The following PPEF1 variants were observed in gnomAD, a reference collection of about 807,000 sequenced individuals.
PPEF1 encodes protein phosphatase with EF-hand domain 1, also known as serine/threonine-protein phosphatase with EF-hands 1.
Under a neutral mutation model 53.3 loss-of-function variants are expected in PPEF1, and 12 were observed. The observed-to-expected ratio is 0.23, with a 90% CI of 0.14 to 0.36. The LOEUF is 0.36. Among genes scored for constraint, PPEF1 ranks in the 10% least tolerant of loss-of-function variants. The pLI is 1.00. For missense variants in PPEF1, 334 were observed against 490.4 expected (o/e 0.68, Z 3.01); for synonymous variants, 165 against 176.7 (o/e 0.93, Z 0.52).
chrX:18,825,622 C>T (rs2047151641), intron 14 of PPEF1, 129 bp from the exon 15 acceptor site: 1 of 404,230 alleles, frequency 2.5e-6, no homozygotes, highest in Admixed American at 5.7e-5. Context: ...GGAAGTCTGG[C>T]CTTCTCAGAT....
At chrX:18,709,502 G>GTTTT (rs752416903) in intron 1 of PPEF1, among the ~76,000 whole-genome samples, 1 of 101,090 alleles carries the variant, frequency 9.9e-6, no homozygotes, top group Non-Finnish European at 2.0e-5. Flanking sequence ...TTTGTTTTTT[G>GTTTT]TTTTTTGTTT....
chrX:18,780,773 G>A (rs2046066506), intron 7 of PPEF1, among the ~76,000 whole-genome samples: 1 of 110,510 alleles, frequency 9.0e-6, no homozygotes, highest in Non-Finnish European at 1.9e-5. Flanking sequence ...GGAGGGAATC[G>A]GCCGGGCATG....
At chrX:18,782,479 G>A (rs907577297) in intron 8 of PPEF1, 77 bp downstream of exon 8, 1 of 813,976 alleles carries the variant, frequency 1.2e-6, no homozygotes, top group African/African-American at 2.2e-5. Context: ...AGCCAAGAAA[G>A]ACCAGATTGA....
chrX:18,699,287 A>G (rs754455097), intron 5 of PPEF1, among the ~76,000 whole-genome samples: 6 of 111,271 alleles, frequency 5.4e-5, no homozygotes, highest in Non-Finnish European at 1.1e-4. Flanking sequence ...ACTCCATCCG[A>G]TTAAATGGCA....
intron 4 of PPEF1, among the ~76,000 whole-genome samples, chrX:18,694,864 G>C (rs758618813): frequency 8.9e-6 from 1 of 112,153 alleles, no homozygotes; most frequent in Non-Finnish European, 1.9e-5. Flanking sequence ...CTCACTGTCA[G>C]TTCAGTGGTA....
At chrX:18,690,328 A>G (rs1211668173) in intron 3 of PPEF1, among the ~76,000 whole-genome samples, 2 of 109,980 alleles carry the variant, frequency 1.8e-5, no homozygotes, top group East Asian at 5.7e-4. Flanking sequence ...AGGGTTTTGA[A>G]AAGAAAGCCC....
intron 14 of PPEF1, among the ~76,000 whole-genome samples, chrX:18,825,087 T>C (rs2047141725): frequency 9.1e-6 from 1 of 110,200 alleles, no homozygotes; most frequent in Non-Finnish European, 1.9e-5. Flanking sequence ...AATGTAGAAA[T>C]CTTTTCTTAG....
At chrX:18,773,356 C>T (rs754125054) in intron 6 of PPEF1, among the ~76,000 whole-genome samples, 3 of 111,506 alleles carry the variant, frequency 2.7e-5, no homozygotes, top group African/African-American at 6.5e-5. Context: ...TCTACTTTGC[C>T]CGGTATTAAT....
At chrX:18,770,937 C>T (rs1454680314) in intron 6 of PPEF1, among the ~76,000 whole-genome samples, 1 of 111,797 alleles carries the variant, frequency 8.9e-6, no homozygotes, top group African/African-American at 3.3e-5. Context: ...AATTTGAATC[C>T]CTGGGTTGCA....
At chrX:18,748,423 C>T (rs2045372190) in intron 3 of PPEF1, among the ~76,000 whole-genome samples, 1 of 112,428 alleles carries the variant, frequency 8.9e-6, no homozygotes, top group South Asian at 3.6e-4. Context: ...AAACTGTTTG[C>T]AGAGAACTTC....
intron 1 of PPEF1, among the ~76,000 whole-genome samples, chrX:18,723,745 G>A (rs2044641488): frequency 9.0e-6 from 1 of 110,770 alleles, no homozygotes; most frequent in African/African-American, 3.3e-5. Context: ...GTGAGCGGGA[G>A]AAGGTGTGGG....
chrX:18,748,261 T>G (rs944107275), intron 3 of PPEF1, among the ~76,000 whole-genome samples: 1 of 112,664 alleles, frequency 8.9e-6, no homozygotes, highest in Non-Finnish European at 1.9e-5. Context: ...TACACAAGAA[T>G]TTAGAAAATA....
At chrX:18,719,232 A>C (rs1312072759) in intron 1 of PPEF1, among the ~76,000 whole-genome samples, 1 of 111,513 alleles carries the variant, frequency 9.0e-6, no homozygotes, top group Non-Finnish European at 1.9e-5. Flanking sequence ...CTTGTAAACT[A>C]TTCTCTTGGT....
At chrX:18,726,329 G>A (rs1431907893) in intron 1 of PPEF1, among the ~76,000 whole-genome samples, 3 of 107,820 alleles carry the variant, frequency 2.8e-5, no homozygotes, top group African/African-American at 1.0e-4. Flanking sequence ...CTCCAGCCTG[G>A]GCTACAGACG....
intron 3 of PPEF1, among the ~76,000 whole-genome samples, chrX:18,739,512 G>A (rs949133866): frequency 9.0e-6 from 1 of 111,601 alleles, no homozygotes; most frequent in Non-Finnish European, 1.9e-5. Flanking sequence ...TCTCAGAGGG[G>A]TACCTGGCTG....
At chrX:18,825,363 G>A (rs780565083) in intron 14 of PPEF1, among the ~76,000 whole-genome samples, 2 of 112,037 alleles carry the variant, frequency 1.8e-5, no homozygotes, top group Non-Finnish European at 3.8e-5. Flanking sequence ...GCTTCAGGCA[G>A]CCGAGATTTA....
intron 1 of PPEF1, among the ~76,000 whole-genome samples, chrX:18,724,405 A>G (rs758547133): frequency 8.9e-6 from 1 of 111,878 alleles, no homozygotes; most frequent in African/African-American, 3.2e-5. Flanking sequence ...AACCCCGTAC[A>G]TGACTATTTA....
At chrX:18,728,408 T>G (rs956914417) in intron 1 of PPEF1, among the ~76,000 whole-genome samples, 3 of 110,478 alleles carry the variant, frequency 2.7e-5, no homozygotes, top group African/African-American at 9.9e-5. Flanking sequence ...GGGAAACCCC[T>G]TATAAAACTA....
At chrX:18,676,930 C>T (rs751313682) in intron 1 of PPEF1, among the ~76,000 whole-genome samples, 2 of 111,286 alleles carry the variant, frequency 1.8e-5, no homozygotes, top group Non-Finnish European at 3.8e-5. Flanking sequence ...TTGCATGCGA[C>T]ACAGGTATCT....
Sources: allele counts gnomAD v4.1 joint callset (sites outside exome capture counted in the v4.1 genomes callset), GRCh38; gene constraint gnomAD v4.1.1; transcripts MANE v1.5; gene names NCBI Gene and HGNC (gene_info 2026-07-23, HGNC 2026-07-21).